The following WDR1 variants were observed in gnomAD, a reference collection of about 807,000 sequenced individuals.
WDR1 encodes the protein WD repeat domain 1.
Under a neutral mutation model 71.9 loss-of-function variants are expected in WDR1, and 21 were observed. The observed-to-expected ratio is 0.29, with a 90% confidence interval of 0.21 to 0.42. WDR1 has a LOEUF of 0.42. Ranked by LOEUF, WDR1 falls within the 10% of genes least tolerant of loss-of-function variation. WDR1 has a pLI of 1.00. For missense variants in WDR1, 696 were observed against 824.5 expected (o/e 0.84, Z 1.91); for synonymous variants, 424 against 347.4 (o/e 1.22, Z -2.45).
At position 10,084,528 on chromosome 4, in the gene WDR1, A is replaced by C; in HGVS notation, c.954T>G (p.Gly318=). 6.2e-7 allele frequency: 1 copy of C among 1,613,728 alleles called. No individual in the cohort carries two copies. Among genetic ancestry groups the C allele is most frequent in the Non-Finnish European group, 8.5e-7 (1 of 1,179,726 alleles). ...NPSKPLHVIK[G]HSKSIQCLTV... is the part of the protein sequence containing the mutation. ...TCAGACACTGGATCGATTTACTGTGACCCTGTGAAGGAGACACACTGGGCG... is the reference window on the plus strand; with the variant it reads ...TCAGACACTGGATCGATTTACTGTGCCCCTGTGAAGGAGACACACTGGGCG... Residue 318 remains glycine, a splice_region_variant and synonymous_variant, in exon 9 of 15, where the codon GGT becomes GGG. Transcript: ENST00000499869.
intron 10 of WDR1, among the ~76,000 whole-genome samples, chr4:10,082,269 G>GT (rs1765046397): frequency 6.6e-6 from 1 of 152,184 alleles, no homozygotes; most frequent in Admixed American, 6.5e-5. Flanking sequence ...TAGGAGTTGC[G>GT]TGCTGCACCC....
intron 9 of WDR1, among the ~76,000 whole-genome samples, chr4:10,083,863 C>T (rs374287433): frequency 6.6e-6 from 1 of 152,200 alleles, no homozygotes; most frequent in African/African-American, 2.4e-5. Context: ...GAAACCCAGA[C>T]AAGGACTTAT....
At chr4:10,086,803 G>T (rs1711603181) in intron 8 of WDR1, among the ~76,000 whole-genome samples, 1 of 152,206 alleles carries the variant, frequency 6.6e-6, no homozygotes, top group Non-Finnish European at 1.5e-5. Context: ...TTACAGCTTA[G>T]AATAGCAGGA....
intron 12 of WDR1, 69 bp downstream of exon 12, chr4:10,078,822 A>C: frequency 7.3e-7 from 1 of 1,364,530 alleles, no homozygotes; most frequent in Non-Finnish European, 1.0e-6. Flanking sequence ...GTACTCACAC[A>C]GCTCACACTG....
chr4:10,093,146 T>G (rs1712112661), intron 5 of WDR1: 2 of 1,289,290 alleles, frequency 1.6e-6, no homozygotes, highest in Non-Finnish European at 2.0e-6. Context: ...CTGGCCTGTC[T>G]CCAGCACACA....
intron 5 of WDR1, chr4:10,093,031 G>A: frequency 3.1e-6 from 4 of 1,282,792 alleles, no homozygotes; most frequent in Non-Finnish European, 4.1e-6. Flanking sequence ...CCACCAATAT[G>A]CTCCCTCTCA....
At chr4:10,106,188 T>C (rs972344641) in intron 2 of WDR1, among the ~76,000 whole-genome samples, 1 of 152,110 alleles carries the variant, frequency 6.6e-6, no homozygotes, top group African/African-American at 2.4e-5. Flanking sequence ...TGGGACTATA[T>C]AGGTCATCTG....
At chr4:10,078,608 G>A (rs1227902935) in intron 12 of WDR1, 2 of 302,568 alleles carry the variant, frequency 6.6e-6, no homozygotes, top group Non-Finnish European at 1.2e-5. Context: ...AGGCACAGCT[G>A]TGCCCTCCTC....
At chr4:10,088,040 A>G (rs1432559198) in intron 7 of WDR1, 100 bp from the exon 8 acceptor site, 5 of 1,204,868 alleles carry the variant, frequency 4.1e-6, no homozygotes, top group East Asian at 2.5e-5. Flanking sequence ...AGTAGGACAG[A>G]AGGAGCCCAG....
At chr4:10,084,571 C>T (rs1255850716) in intron 8 of WDR1, 41 bp from the exon 9 acceptor site, 5 of 1,583,196 alleles carry the variant, frequency 3.2e-6, no homozygotes, top group East Asian at 2.2e-5. Flanking sequence ...TGATGACACA[C>T]TGCCCTGCCC....
intron 5 of WDR1, among the ~76,000 whole-genome samples, chr4:10,094,307 C>T (rs916321900): frequency 2.0e-5 from 3 of 152,208 alleles, no homozygotes; most frequent in African/African-American, 7.2e-5. Flanking sequence ...GGCGTGTGGT[C>T]ATCCTAGACC....
At chr4:10,079,945 T>A (rs1224367872) in intron 11 of WDR1, among the ~76,000 whole-genome samples, 1 of 151,958 alleles carries the variant, frequency 6.6e-6, no homozygotes, top group East Asian at 2.0e-4. Context: ...TTTCCTGATC[T>A]AAAATCCCAG....
chr4:10,084,604 C>T (rs890146179), intron 8 of WDR1, 74 bp from the exon 9 acceptor site: 10 of 1,454,394 alleles, frequency 6.9e-6, no homozygotes, highest in African/African-American at 4.2e-5. Flanking sequence ...TTTCCACCAA[C>T]GAAGCTTCTG....
intron 14 of WDR1, 184 bp from the exon 15 acceptor site, chr4:10,075,668 C>T: frequency 1.6e-6 from 1 of 619,666 alleles, no homozygotes; most frequent in South Asian, 1.9e-5. Context: ...CGTGACACTC[C>T]TGAACCCCGG....
intron 8 of WDR1, 25 bp downstream of exon 8, chr4:10,087,682 G>C (rs189473704): frequency 1.3e-6 from 2 of 1,552,546 alleles, no homozygotes; most frequent in East Asian, 2.4e-5. Flanking sequence ...CCAGCGGGCA[G>C]AGCCTTCCCC....
chr4:10,083,105 C>T lies in WDR1; in HGVS notation c.1113G>A (p.Met371Ile). ...TGAGCTGCCCCGACTCATCCACGGTCATCCTGGACACCTGGTTCGTGTGGC... is the reference window on the plus strand; with the variant it reads ...TGAGCTGCCCCGACTCATCCACGGTTATCCTGGACACCTGGTTCGTGTGGC... ...GKGHTNQVSR[M>I]TVDESGQLIS... Residue 371 changes from methionine to isoleucine, a missense_variant, in exon 10 of 15, where the codon ATG (methionine) becomes ATA (isoleucine). Transcript: ENST00000499869. 1 of 1,613,964 alleles carries T rather than the reference C, an allele frequency of 6.2e-7. No individual in the cohort carries two copies. The highest frequency in any genetic ancestry group is 8.5e-7 in the Non-Finnish European group (1 of 1,179,886).
intron 2 of WDR1, chr4:10,115,785 ACTAAT>A (rs1172726140): frequency 4.6e-6 from 1 of 215,826 alleles, no homozygotes; most frequent in African/African-American, 2.3e-5. Context: ...TAAGGAATGA[ACTAAT>A]CTAATCTCCC....
At chr4:10,110,599 C>A (rs1421535525) in intron 2 of WDR1, among the ~76,000 whole-genome samples, 1 of 149,598 alleles carries the variant, frequency 6.7e-6, no homozygotes, top group East Asian at 2.4e-4. Context: ...CCTTCAAGAC[C>A]CAACTCAAAT....
chr4:10,106,282 T>C (rs1713010993), intron 2 of WDR1: 1 of 152,236 alleles, frequency 6.6e-6, no homozygotes, highest in Non-Finnish European at 1.5e-5. Context: ...GCTGGCTATT[T>C]ATTAAATGTC....
Sources: gnomAD v4.1 joint callset for allele counts (sites outside exome capture counted in the v4.1 genomes callset) on GRCh38, gnomAD v4.1.1 for gene constraint, MANE v1.5 for transcripts, NCBI Gene and HGNC (gene_info 2026-07-23, HGNC 2026-07-21) for gene names.